The following USP22 variants were observed in gnomAD, a reference collection of about 807,000 sequenced individuals.
USP22 encodes ubiquitin carboxyl-terminal hydrolase 22.
A neutral mutation model predicts 68.1 loss-of-function variants in USP22; 22 were observed. The ratio of observed to expected loss-of-function variants is 0.32; its 90% confidence interval spans 0.23 to 0.46. The LOEUF is 0.46. Among genes scored for constraint, USP22 ranks in the 20% least tolerant of loss-of-function variants. The probability of loss-of-function intolerance (pLI) is 1.00; values close to 1 mark genes in which losing one functional copy is unlikely to be tolerated. For synonymous variants in USP22, 279 were observed against 274.2 expected, an observed-to-expected ratio of 1.02 and a Z score of -0.17; for missense variants, 433 against 695.8, an observed-to-expected ratio of 0.62 and a Z score of 4.25.
Position 21,004,780 on chromosome 17 carries a change from C to T in USP22, c.1385+148G>A, listed in dbSNP as rs1391182759. 1.1e-4 allele frequency: 9 copies of T among 85,590 alleles called. 1 individual carries two copies. The highest frequency in any genetic ancestry group is 2.0e-4 in the Non-Finnish European group (6 of 30,174). The allele number at this position is 85,590 out of a possible 1,614,324, so 5.3% of individuals were successfully genotyped here. A position where few individuals can be genotyped will look rare whatever the true frequency, so the allele number is the denominator to read the frequency against. On this transcript the variant is annotated intron_variant, in intron 11 of 12. Transcript: ENST00000261497. ...GGAGCGGCCTTTCCTAGTGGAGCTG[C>T]GGGCAGCCAATAGTGGAGCTGCGGG...
intron 1 of USP22, among the ~76,000 whole-genome samples, chr17:21,040,793 A>G (rs1467556067): frequency 1.3e-5 from 2 of 152,108 alleles, no homozygotes; most frequent in Non-Finnish European, 2.9e-5. Context: ...AAGTAGTAAC[A>G]AATCTTGGGC....
At chr17:21,034,363 G>C (rs1972328938) in intron 1 of USP22, among the ~76,000 whole-genome samples, 1 of 152,140 alleles carries the variant, frequency 6.6e-6, no homozygotes, top group African/African-American at 2.4e-5. Context: ...TACCTAAAAA[G>C]TGTATCCCAA....
chr17:21,022,358 A>G (rs1035743740), intron 2 of USP22, among the ~76,000 whole-genome samples: 6 of 152,150 alleles, frequency 3.9e-5, no homozygotes, highest in African/African-American at 1.4e-4. Context: ...CTTTGTTAAA[A>G]GTAATAATTT....
At position 21,042,357 on chromosome 17, in the gene USP22, AAGGAGGGGGAGGGGACAGAG is replaced by A. The variant is rs1211495605; in HGVS notation, c.171+288_171+307del. On this transcript the variant is annotated intron_variant, in intron 1 of 12. Coordinates refer to ENST00000261497, the MANE Select transcript of USP22 (RefSeq NM_015276.2). ...ATAAGGGAGGGGGAGGGCGGAGAGAAAGGAGGGGGAGGGGACAGAGAGGAGGGGGAGGGGACAGAGAGGAG... is the reference window on the plus strand; with the variant it reads ...ATAAGGGAGGGGGAGGGCGGAGAGAAAGGAGGGGGAGGGGACAGAGAGGAG... The A allele has an allele frequency of 2.0e-3, 282 of 143,604 alleles. 6 individuals carry two copies. The East Asian group carries it at 0.028, about 14-fold the overall frequency. 8.9% of individuals were successfully genotyped at this position (143,604 alleles called of 1,614,324 possible). A position where few individuals can be genotyped will look rare whatever the true frequency, so the allele number is the denominator to read the frequency against.
At chr17:21,032,922 C>CAAAAAAAAAAAAA (rs753804890) in intron 1 of USP22, among the ~76,000 whole-genome samples, 33 of 91,556 alleles carry the variant, frequency 3.6e-4, no homozygotes, top group Middle Eastern at 5.8e-3. Context: ...GACCCTGTCT[C>CAAAAAAAAAAAAA]AAAAAAAAAA....
chr17:21,032,809 C>G (rs1158089325), intron 1 of USP22, among the ~76,000 whole-genome samples: 2 of 150,832 alleles, frequency 1.3e-5, no homozygotes, highest in African/African-American at 4.9e-5. Context: ...CATGGTGGCA[C>G]ACACCTGTAG....
intron 1 of USP22, among the ~76,000 whole-genome samples, chr17:21,032,582 A>G (rs974358344): frequency 6.6e-6 from 1 of 152,192 alleles, no homozygotes; most frequent in Non-Finnish European, 1.5e-5. Flanking sequence ...TTGTTACAGC[A>G]GGCCCGGTCA....
At chr17:21,040,455 C>T (rs1192757657) in intron 1 of USP22, among the ~76,000 whole-genome samples, 1 of 152,176 alleles carries the variant, frequency 6.6e-6, no homozygotes, top group Non-Finnish European at 1.5e-5. Context: ...ACTGCAGCAG[C>T]CCCCACCTAA....
intron 6 of USP22, chr17:21,015,508 C>A: frequency 2.1e-6 from 1 of 480,308 alleles, no homozygotes; most frequent in Non-Finnish European, 3.5e-6. Context: ...TGTGATCGGT[C>A]ACTGAGGACC....
intron 2 of USP22, among the ~76,000 whole-genome samples, chr17:21,027,659 A>T (rs1972239079): frequency 6.6e-6 from 1 of 152,198 alleles, no homozygotes; most frequent in Non-Finnish European, 1.5e-5. Context: ...AGAAACAGTT[A>T]ATGCACGAAG....
At chr17:21,028,907 C>T (rs979595479) in intron 1 of USP22, among the ~76,000 whole-genome samples, 4 of 152,230 alleles carry the variant, frequency 2.6e-5, no homozygotes, top group Non-Finnish European at 5.9e-5. Context: ...ACAACTTCAA[C>T]TGCCAAAACC....
intron 1 of USP22, among the ~76,000 whole-genome samples, chr17:21,036,280 CCT>C (rs1320579449): frequency 6.6e-6 from 1 of 151,960 alleles, no homozygotes; most frequent in African/African-American, 2.4e-5. Context: ...GTTGTGGATG[CCT>C]CTGTCAAAAT....
Position 21,002,920 on chromosome 17 carries a change from A to G in USP22, c.*111T>C. ...CCACATCTGCATGGGAGGTGGTGTC[A>G]CCAGGCCGGGGAGGCGGCGGGAGAC... is the stretch of plus-strand genomic sequence containing the variant. On this transcript the variant is annotated 3_prime_UTR_variant, in exon 13 of 13. Transcript: ENST00000261497. The G allele has an allele frequency of 7.4e-7, 1 of 1,343,908 alleles. No individual in the cohort carries two copies. 83.2% of individuals were successfully genotyped at this position (1,343,908 alleles called of 1,614,324 possible).
At chr17:21,036,163 A>C (rs1477809007) in intron 1 of USP22, among the ~76,000 whole-genome samples, 1 of 152,052 alleles carries the variant, frequency 6.6e-6, no homozygotes, top group Non-Finnish European at 1.5e-5. Context: ...GACATTCTGG[A>C]AAGGGAAAAA....
intron 1 of USP22, among the ~76,000 whole-genome samples, chr17:21,036,103 C>A (rs1972352713): frequency 7.1e-6 from 1 of 140,640 alleles, no homozygotes; most frequent in African/African-American, 2.7e-5. Context: ...TATTGCTAGA[C>A]AAAAGAAGCC....
intron 1 of USP22, among the ~76,000 whole-genome samples, chr17:21,040,603 C>CA (rs1328414565): frequency 0.017 from 2,352 of 140,808 alleles, 48 homozygotes; most frequent in African/African-American, 0.057. Context: ...ATAAGTAGCG[C>CA]AAAAAAAAAA....
rs748897637 is a variant in USP22 at position 21,012,899 on chromosome 17, T to C, written c.875A>G (p.His292Arg). Residue 292 changes from histidine to arginine, a missense_variant, in exon 7 of 13, where the codon CAC (histidine) becomes CGC (arginine). Coordinates refer to ENST00000261497, the MANE Select transcript of USP22 (RefSeq NM_015276.2). ...GATCTGGTCTATGATGCAGTTGCAG[T>C]GGTTGGGGTTGTTGGCCTTCTTCCC... ...DNGKKANNPNHCNCIIDQIFT... is the reference protein window; with the variant it reads ...DNGKKANNPNRCNCIIDQIFT... 4.3e-6 allele frequency: 7 copies of C among 1,613,414 alleles called. No homozygotes were observed. The Admixed American group carries it at 1.2e-4, about 27-fold the overall frequency.
intron 2 of USP22, 115 bp from the exon 3 acceptor site, chr17:21,021,341 T>C (rs1377511669): frequency 1.6e-5 from 11 of 690,826 alleles, no homozygotes; most frequent in Non-Finnish European, 2.3e-5. Context: ...TCACAGCACC[T>C]TCCTATTCAC....
intron 1 of USP22, 106 bp from the exon 2 acceptor site, chr17:21,028,780 G>A (rs1249627698): frequency 1.4e-6 from 2 of 1,387,560 alleles, no homozygotes; most frequent in African/African-American, 2.9e-5. Context: ...TGGAAGAAAG[G>A]ACAGGGAATT....
Sources: gnomAD v4.1 joint callset for allele counts (sites outside exome capture counted in the v4.1 genomes callset) on GRCh38, gnomAD v4.1.1 for gene constraint, MANE v1.5 for transcripts, NCBI Gene and HGNC (gene_info 2026-07-23, HGNC 2026-07-21) for gene names.